The following RYR1 variants were observed in gnomAD, a reference collection of about 807,000 sequenced individuals.
RYR1 encodes the protein central core disease of muscle.
In RYR1, 342 loss-of-function variants were observed where a neutral mutation model predicts 583.5. The observed-to-expected ratio is 0.59, with a 90% CI of 0.54 to 0.64. The LOEUF (loss-of-function observed/expected upper bound fraction) is 0.64, where lower values mean the gene tolerates loss of function less well. Ranked by LOEUF, RYR1 falls within the 30% of genes least tolerant of loss-of-function variation. The pLI is 0.00. For synonymous variants in RYR1, 2,791 were observed against 2,822.5 expected (o/e 0.99, Z 0.35); for missense variants, 6,032 against 6,917.2 (o/e 0.87, Z 4.54).
rs1245286912 is a variant in RYR1, at chr19:38,473,692, C to T, written c.4081C>T (p.Pro1361Ser). The change falls in exon 28 of 106, where the codon CCG (proline) becomes TCG (serine). Residue 1361 changes from proline to serine, a missense_variant. This residue lies in a region of RYR1 where 2,627 missense variants were observed against 2,961.3 expected (regional missense o/e 0.89). Transcript: ENST00000359596. ...TAKEGAPGGT[P>S]QAGGEAQPAR... The stretch of plus-strand genomic sequence containing the variant: ...GAAGGAGGGCGCCCCCGGGGGCACC[C>T]CGCAGGCGGGGGGAGAGGCGCAGCC... 9 of 1,549,748 alleles carry T rather than the reference C, an allele frequency of 5.8e-6. No individual in the cohort carries two copies. Among genetic ancestry groups the T allele is most frequent in the African/African-American group, 1.4e-5 (1 of 73,076 alleles).
intron 70 of RYR1, among the ~76,000 whole-genome samples, chr19:38,524,541 G>A (rs1276933207): frequency 6.6e-6 from 1 of 152,228 alleles, no homozygotes; most frequent in Non-Finnish European, 1.5e-5. Flanking sequence ...AGCCGGCGTG[G>A]ATGTGGCTCT....
intron 1 of RYR1, among the ~76,000 whole-genome samples, chr19:38,440,492 T>C (rs1972620431): frequency 6.6e-6 from 1 of 152,122 alleles, no homozygotes; most frequent in Non-Finnish European, 1.5e-5. Context: ...TGGGCTGAGA[T>C]TGCACCACTG....
At position 38,499,794 on chromosome 19, in the gene RYR1, G is replaced by A. The variant is rs764470623; in HGVS notation, c.7187G>A (p.Gly2396Asp). Residue 2396 changes from glycine to aspartate, a missense_variant, in exon 44 of 106, where the codon GGC becomes GAC. Coordinates refer to ENST00000359596, the MANE Select transcript of RYR1 (RefSeq NM_000540.3). This position sits in a 1 kb window ranked among gnomAD's most constrained non-coding sequence, Gnocchi z 7.3. ...GAGGACCCTGCGAGGGATGGCCCAGGCATCCGCAGGGACCGGCGGCGCGAG... is the reference window on the plus strand; with the variant it reads ...GAGGACCCTGCGAGGGATGGCCCAGACATCCGCAGGGACCGGCGGCGCGAG... Reference protein sequence around the residue: ...ISEDPARDGPGIRRDRRREHF... With the variant: ...ISEDPARDGPDIRRDRRREHF... 6.2e-7 allele frequency: 1 copy of A among 1,604,488 alleles called. No individual in the cohort carries two copies. Among genetic ancestry groups the A allele is most frequent in the Non-Finnish European group, 8.5e-7 (1 of 1,179,112 alleles).
chr19:38,453,195 C>T (rs1967180581), intron 13 of RYR1, among the ~76,000 whole-genome samples, 181 bp downstream of exon 13: 1 of 81,144 alleles, frequency 1.2e-5, no homozygotes, highest in Non-Finnish European at 2.5e-5. Flanking sequence ...CACGATGGGG[C>T]GGGGCCTTGG....
chr19:38,508,591 C>A (rs2960331), intron 58 of RYR1, among the ~76,000 whole-genome samples: 49,572 of 152,022 alleles, frequency 0.33, 8,634 homozygotes, highest in South Asian at 0.46. Context: ...TGAAGGAGGT[C>A]AGAGAGGAGC....
At chr19:38,574,837 A>C (rs1973884465) in intron 96 of RYR1, among the ~76,000 whole-genome samples, 2 of 152,116 alleles carry the variant, frequency 1.3e-5, no homozygotes, top group Admixed American at 1.3e-4. Context: ...CAGGAGATCC[A>C]GACCATCCTG....
In RYR1 at chr19:38,501,514, C is replaced by T. The variant is rs540440461; in HGVS notation, c.7614+524C>T. On this transcript the variant is annotated intron_variant, in intron 47 of 105. Transcript: ENST00000359596. ...TCCATCTCAAAAAAAATATTTTGTT[C>T]GCAGTATTGGTTTGGTACTGTGGGC... Among the ~76,000 whole-genome samples, 7 of 152,166 alleles carry T rather than the reference C, an allele frequency of 4.6e-5. No homozygotes were observed. The South Asian group carries it at 1.2e-3, about 27-fold the overall frequency.
intron 101 of RYR1, among the ~76,000 whole-genome samples, chr19:38,584,027 G>A (rs1351784269): frequency 6.6e-6 from 1 of 151,882 alleles, no homozygotes; most frequent in African/African-American, 2.4e-5. Flanking sequence ...TTCTCTGCTG[G>A]GAACACTCTC....
At position 38,523,121 on chromosome 19, in the gene RYR1, TGCCCACCCCAACC is replaced by T; in HGVS notation, c.10347+11_10347+23del. On this transcript the variant is annotated splice_region_variant and intron_variant, in intron 68 of 105. Transcript: ENST00000359596. ...TCTACTGGTCCAAGTCCCACGTGAGTGCCCACCCCAACCGCCCTCCCCACAACCAGAGGAGCCG... is the reference window on the plus strand; with the variant it reads ...TCTACTGGTCCAAGTCCCACGTGAGTGCCCTCCCCACAACCAGAGGAGCCG... The T allele has an allele frequency of 1.9e-6, 3 of 1,613,638 alleles. No individual in the cohort carries two copies. Among genetic ancestry groups the T allele is most frequent in the Non-Finnish European group, 2.5e-6 (3 of 1,179,902 alleles).
chr19:38,507,171 CAGAGA>C (rs1057154221), intron 57 of RYR1, among the ~76,000 whole-genome samples: 12 of 144,550 alleles, frequency 8.3e-5, no homozygotes, highest in East Asian at 6.1e-4. Context: ...CAGGCGGGAC[CAGAGA>C]GGAGAGGAGG....
At position 38,578,203 on chromosome 19, in the gene RYR1, A is replaced by G. The variant is rs200002533; in HGVS notation, c.14363A>G (p.Asn4788Ser). The part of the protein sequence containing the change: ...IWKFGVIFTD[N>S]SFLYLGWYMV... ...AAGTTCGGGGTCATCTTCACAGACAACGTGAGCAGGGGCCCACAGACTGGG... is the reference window on the plus strand; with the variant it reads ...AAGTTCGGGGTCATCTTCACAGACAGCGTGAGCAGGGGCCCACAGACTGGG... The change falls in exon 99 of 106, where the codon AAC becomes AGC. Residue 4788 changes from asparagine (N) to serine (S), a missense_variant and splice_region_variant. By Grantham distance (46) the Asn-to-Ser change is conservative. Transcript: ENST00000359596. 18 of 1,613,266 alleles carry G rather than the reference A, an allele frequency of 1.1e-5. No individual in the cohort carries two copies. The highest frequency in any genetic ancestry group is 1.5e-5 in the Non-Finnish European group (18 of 1,179,732).
At chr19:38,506,418 T>TG (rs746429995) in intron 55 of RYR1, 41 bp downstream of exon 55, 36 of 1,612,582 alleles carry the variant, frequency 2.2e-5, no homozygotes, top group African/African-American at 1.3e-4. Flanking sequence ...AGGGTGTCTT[T>TG]GGGGGGGCTG....
intron 54 of RYR1, among the ~76,000 whole-genome samples, 159 bp from the exon 55 acceptor site, chr19:38,506,144 T>G: frequency 1.6e-5 from 2 of 121,632 alleles, no homozygotes; most frequent in African/African-American, 3.2e-5. Flanking sequence ...GAGAGAAGGA[T>G]GGGGTGGTTT....
chr19:38,527,059 C>T lies in RYR1; in HGVS notation c.10686+7C>T. On this transcript the variant is annotated splice_region_variant and intron_variant, in intron 72 of 105. Coordinates refer to ENST00000359596, the MANE Select transcript of RYR1 (RefSeq NM_000540.3). The stretch of plus-strand genomic sequence containing the variant: ...CCTTCACCTTCAGGGAAAGGTATGC[C>T]TCCTTCCTCTGCAAGCAAAAGAAGC... 4 of 1,613,714 alleles carry T rather than the reference C, an allele frequency of 2.5e-6. No individual in the cohort carries two copies. The highest frequency in any genetic ancestry group is 3.4e-6 in the Non-Finnish European group (4 of 1,179,702).
chr19:38,447,104 G>C (rs537452747), intron 9 of RYR1, among the ~76,000 whole-genome samples: 1 of 151,274 alleles, frequency 6.6e-6, no homozygotes, highest in East Asian at 1.9e-4. Context: ...TGCACCTTTA[G>C]TCTCAGCTAC....
intron 89 of RYR1, among the ~76,000 whole-genome samples, chr19:38,555,158 T>C (rs1972825684): frequency 1.3e-5 from 2 of 152,048 alleles, no homozygotes; most frequent in Admixed American, 6.6e-5. Flanking sequence ...TCATAAAATA[T>C]ATATGGTCTT....
intron 30 of RYR1, 34 bp downstream of exon 30, chr19:38,477,904 GT>G: frequency 1.4e-6 from 2 of 1,449,536 alleles, no homozygotes; most frequent in African/African-American, 1.4e-5. Context: ...GAGGTGCAGG[GT>G]GGGGAGGGCA....
chr19:38,440,822 C>T lies in RYR1; in HGVS notation c.123C>T (p.Phe41=), dbSNP rs753672925. The part of the protein sequence containing the change: ...QLKLCLAAEG[F]GNRLCFLEPT... ...AGCTCTGCCTGGCCGCCGAGGGCTT[C>T]GGCAACCGCCTGTGCTTCCTGGAGC... The change falls in exon 2 of 106, where the codon TTC becomes TTT. Residue 41 remains phenylalanine (F), a synonymous_variant. Coordinates refer to ENST00000359596, the MANE Select transcript of RYR1 (RefSeq NM_000540.3). The T allele has an allele frequency of 1.4e-5, 23 of 1,609,588 alleles. No individual in the cohort carries two copies. Among genetic ancestry groups the T allele is most frequent in the Middle Eastern group, 1.7e-4 (1 of 5,942 alleles).
rs767099429 is a variant in RYR1, at chr19:38,561,390, G to A, written c.12560G>A (p.Arg4187His). ...CGCATCGAGATCATGGGCGCGTCACGCCGCATCGAGCGCATCTACTTCGAG... is the reference window on the plus strand; with the variant it reads ...CGCATCGAGATCATGGGCGCGTCACACCGCATCGAGCGCATCTACTTCGAG... ...LGRIEIMGAS[R>H]RIERIYFEIS... Residue 4187 changes from arginine (R) to histidine (H), a missense_variant, in exon 90 of 106, where the codon CGC becomes CAC. Arg to His is a conservative substitution (Grantham distance 29, BLOSUM62 0). Coordinates refer to ENST00000359596, the MANE Select transcript of RYR1 (RefSeq NM_000540.3). This position sits in a 1 kb window ranked among gnomAD's most constrained non-coding sequence, Gnocchi z 4.8. 14 of 1,613,106 alleles carry A rather than the reference G, an allele frequency of 8.7e-6. No homozygotes were observed. The African/African-American group carries it at 1.2e-4, about 14-fold the overall frequency.
Sources: gnomAD v4.1 joint callset for allele counts (sites outside exome capture counted in the v4.1 genomes callset) on GRCh38, gnomAD v4.1.1 for gene constraint, gnomAD v4.1.1 regional missense constraint, Gnocchi (gnomAD v3.1) non-coding constraint, MANE v1.5 for transcripts, NCBI Gene and HGNC (gene_info 2026-07-23, HGNC 2026-07-21) for gene names.